Variants in FAM168A observed in about 807,000 individuals in gnomAD.
The protein encoded by FAM168A is protein FAM168A.
Under a neutral mutation model 28.5 loss-of-function variants are expected in FAM168A, and 3 were observed. The ratio of observed to expected loss-of-function variants is 0.11; its 90% confidence interval spans 0.05 to 0.27. FAM168A has a LOEUF of 0.27. Among genes scored for constraint, FAM168A ranks in the 10% least tolerant of loss-of-function variants. The probability of loss-of-function intolerance (pLI) is 1.00; values close to 1 mark genes in which losing one functional copy is unlikely to be tolerated. For synonymous variants in FAM168A, 122 were observed against 124.2 expected (o/e 0.98, Z 0.12); for missense variants, 222 against 311.5 (o/e 0.71, Z 2.16).
chr11:73,573,770 C>A (rs1487703995), intron 1 of FAM168A, among the ~76,000 whole-genome samples: 1 of 152,074 alleles, frequency 6.6e-6, no homozygotes, highest in Non-Finnish European at 1.5e-5. Context: ...CCAGTCTGGG[C>A]AACATAGAGA....
chr11:73,596,538 C>T (rs933525525), intron 1 of FAM168A, among the ~76,000 whole-genome samples: 1 of 152,078 alleles, frequency 6.6e-6, no homozygotes, highest in African/African-American at 2.4e-5. Flanking sequence ...AAACATCACC[C>T]GAACAGATTA....
At chr11:73,448,691 G>A (rs575931214) in intron 2 of FAM168A, among the ~76,000 whole-genome samples, 16 of 152,240 alleles carry the variant, frequency 1.1e-4, no homozygotes, top group Non-Finnish European at 2.2e-4. Context: ...TGCTTTCCTA[G>A]GAGAAGAACA....
intron 2 of FAM168A, among the ~76,000 whole-genome samples, chr11:73,442,771 G>T (rs570948804): frequency 6.7e-6 from 1 of 149,886 alleles, no homozygotes; most frequent in Non-Finnish European, 1.5e-5. Flanking sequence ...GTGCCCTCTA[G>T]GTGACTGTTG....
chr11:73,551,219 G>GA (rs1284999834), intron 1 of FAM168A, among the ~76,000 whole-genome samples: 1 of 151,998 alleles, frequency 6.6e-6, no homozygotes, highest in Non-Finnish European at 1.5e-5. Flanking sequence ...TCCAAGTTAT[G>GA]AAAAAACCTC....
At chr11:73,570,536 G>A (rs1944073867) in intron 1 of FAM168A, among the ~76,000 whole-genome samples, 1 of 152,064 alleles carries the variant, frequency 6.6e-6, no homozygotes, top group Non-Finnish European at 1.5e-5. Flanking sequence ...GAGCTCAGGA[G>A]TGTGAGACAA....
intron 1 of FAM168A, among the ~76,000 whole-genome samples, chr11:73,597,645 G>A (rs1696596927): frequency 6.8e-6 from 1 of 147,746 alleles, no homozygotes; most frequent in Non-Finnish European, 1.5e-5. Context: ...ATTCCAACCC[G>A]ACGCCCCCAC....
chr11:73,568,069 C>A (rs2134715188), intron 1 of FAM168A, among the ~76,000 whole-genome samples: 1 of 152,274 alleles, frequency 6.6e-6, no homozygotes, highest in East Asian at 1.9e-4. Context: ...AATTTTAGGG[C>A]CCTAGAAATC....
At chr11:73,536,901 A>G (rs189627659) in intron 1 of FAM168A, among the ~76,000 whole-genome samples, 38 of 152,350 alleles carry the variant, frequency 2.5e-4, no homozygotes, top group African/African-American at 9.1e-4. Context: ...AGGCACTAAA[A>G]TAAAGAAACT....
chr11:73,595,383 T>C (rs546356098), intron 1 of FAM168A, among the ~76,000 whole-genome samples: 1 of 152,356 alleles, frequency 6.6e-6, no homozygotes, highest in Admixed American at 6.5e-5. Context: ...TATTTTTATA[T>C]GCTCAATCGT....
At chr11:73,408,857 C>T (rs1207562543) in intron 6 of FAM168A, among the ~76,000 whole-genome samples, 1 of 151,626 alleles carries the variant, frequency 6.6e-6, no homozygotes, top group Non-Finnish European at 1.5e-5. Context: ...ATAATTATTG[C>T]ACAGGTCCTT....
chr11:73,555,309 G>A (rs544260293), intron 1 of FAM168A, among the ~76,000 whole-genome samples: 1 of 152,292 alleles, frequency 6.6e-6, no homozygotes, highest in African/African-American at 2.4e-5. Flanking sequence ...TCCAGTAGAA[G>A]AGAGAGTTAG....
rs540033706 is a variant in FAM168A, at chr11:73,468,518, A to G, written c.-18-26T>C. On this transcript the variant is annotated intron_variant, in intron 1 of 7. Transcript: ENST00000356467. ...CTACAGAGAAAACAAAGAAAACAGC[A>G]CTGATATTGATTGTTCATTCTTCCT... is the stretch of plus-strand genomic sequence containing the variant. 5.9e-6 allele frequency: 9 copies of G among 1,529,128 alleles called. No individual in the cohort carries two copies. In the East Asian group the frequency reaches 1.8e-4, roughly 31 times the overall value. 94.7% of individuals were successfully genotyped at this position (1,529,128 alleles called of 1,614,324 possible). A position where few individuals can be genotyped will look rare whatever the true frequency, so the allele number is the denominator to read the frequency against.
At chr11:73,586,763 G>C (rs771068443) in intron 1 of FAM168A, among the ~76,000 whole-genome samples, 8 of 152,150 alleles carry the variant, frequency 5.3e-5, no homozygotes, top group Non-Finnish European at 1.0e-4. Context: ...ACCAGGCTAA[G>C]GGTAGGGAGA....
intron 2 of FAM168A, among the ~76,000 whole-genome samples, chr11:73,440,096 G>C (rs1307799947): frequency 6.6e-6 from 1 of 151,968 alleles, no homozygotes; most frequent in African/African-American, 2.4e-5. Flanking sequence ...ATGTTGGCCA[G>C]GCTGGTCTTG....
intron 1 of FAM168A, among the ~76,000 whole-genome samples, chr11:73,589,450 G>T (rs1190456518): frequency 6.0e-5 from 9 of 150,598 alleles, no homozygotes; most frequent in Admixed American, 6.0e-4. Flanking sequence ...AAATTGACTT[G>T]GGCTTCACAT....
At chr11:73,501,344 C>T (rs571052390) in intron 1 of FAM168A, among the ~76,000 whole-genome samples, 1 of 152,296 alleles carries the variant, frequency 6.6e-6, no homozygotes, top group Admixed American at 6.5e-5. Context: ...TCAAGTGGAC[C>T]TGGTAGACGT....
intron 1 of FAM168A, among the ~76,000 whole-genome samples, chr11:73,569,483 G>C (rs1487391314): frequency 6.6e-6 from 1 of 152,164 alleles, no homozygotes; most frequent in African/African-American, 2.4e-5. Context: ...TAGTATAAAT[G>C]AAAGTATCTA....
intron 1 of FAM168A, among the ~76,000 whole-genome samples, chr11:73,579,374 G>A (rs989870808): frequency 6.6e-6 from 1 of 152,102 alleles, no homozygotes; most frequent in African/African-American, 2.4e-5. Context: ...GAAAGATTAA[G>A]TAACTATATA....
At chr11:73,583,545 C>G (rs1944274298) in intron 1 of FAM168A, among the ~76,000 whole-genome samples, 1 of 152,216 alleles carries the variant, frequency 6.6e-6, no homozygotes, top group Non-Finnish European at 1.5e-5. Context: ...TAACCACAAT[C>G]AGAGTAACCC....
Sources: gnomAD v4.1 joint callset for allele counts (sites outside exome capture counted in the v4.1 genomes callset) on GRCh38, gnomAD v4.1.1 for gene constraint, MANE v1.5 for transcripts, NCBI Gene and HGNC (gene_info 2026-07-23, HGNC 2026-07-21) for gene names.